Variants in STPG2 observed in about 807,000 individuals in gnomAD.
STPG2 encodes the protein sperm-tail PG-rich repeat-containing protein 2.
In STPG2, 56 loss-of-function variants were observed where a neutral mutation model predicts 54.2. The observed-to-expected ratio is 1.03, with a 90% CI of 0.83 to 1.29. The LOEUF (loss-of-function observed/expected upper bound fraction) is 1.29. Ranked by LOEUF, STPG2 falls within the 50% of genes most tolerant of loss-of-function variation. The pLI is 0.00. For synonymous variants in STPG2, 200 were observed against 181.8 expected (o/e 1.10, Z -0.81); for missense variants, 596 against 544.9 (o/e 1.09, Z -0.93).
chr4:98,103,784 A>C (rs1346953291), intron 5 of STPG2, among the ~76,000 whole-genome samples: 1 of 152,018 alleles, frequency 6.6e-6, no homozygotes, highest in Non-Finnish European at 1.5e-5. Context: ...CTCTTCTATC[A>C]TGCCTCACTC....
chr4:97,737,073 C>G (rs1725028426), intron 9 of STPG2, among the ~76,000 whole-genome samples: 1 of 152,192 alleles, frequency 6.6e-6, no homozygotes, highest in East Asian at 1.9e-4. Flanking sequence ...TGTTCTGCAG[C>G]CACCGCTGCT....
chr4:98,115,044 T>C (rs913162376), intron 3 of STPG2, among the ~76,000 whole-genome samples: 5 of 151,964 alleles, frequency 3.3e-5, no homozygotes, highest in Admixed American at 2.6e-4. Flanking sequence ...TATGACTTAA[T>C]TGAAGCAAAC....
chr4:97,538,530 T>C (rs1282184134), intron 4 of STPG2, among the ~76,000 whole-genome samples: 1 of 152,012 alleles, frequency 6.6e-6, no homozygotes, highest in Non-Finnish European at 1.5e-5. Context: ...CTCCAAGAAA[T>C]ATGGGACTAT....
intron 5 of STPG2, among the ~76,000 whole-genome samples, chr4:98,087,823 G>A (rs1411117327): frequency 3.3e-5 from 5 of 152,178 alleles, no homozygotes; most frequent in African/African-American, 1.2e-4. Context: ...GCCTCCCAAA[G>A]TGCTGGGATT....
At chr4:98,121,128 T>C (rs962895920) in intron 3 of STPG2, among the ~76,000 whole-genome samples, 2 of 152,248 alleles carry the variant, frequency 1.3e-5, no homozygotes, top group African/African-American at 2.4e-5. Flanking sequence ...AGCTAGCCAG[T>C]TCTCCCAGCA....
At chr4:97,737,495 C>A (rs932881140) in intron 9 of STPG2, among the ~76,000 whole-genome samples, 1 of 152,180 alleles carries the variant, frequency 6.6e-6, no homozygotes, top group Non-Finnish European at 1.5e-5. Flanking sequence ...ACTAGAATAA[C>A]CAATACAGAG....
At chr4:98,130,713 G>A (rs914692332) in intron 2 of STPG2, among the ~76,000 whole-genome samples, 2 of 151,778 alleles carry the variant, frequency 1.3e-5, no homozygotes, top group African/African-American at 4.8e-5. Flanking sequence ...ACAAGGTCAG[G>A]AGATCGAGAC....
intron 10 of STPG2, among the ~76,000 whole-genome samples, chr4:97,602,419 C>T (rs1033324622): frequency 3.3e-5 from 5 of 151,852 alleles, no homozygotes; most frequent in African/African-American, 4.8e-5. Context: ...CTTATTTTCC[C>T]TTTTTCTTAC....
rs1001785769 is a variant in STPG2, at chr4:97,981,411, T to G, written c.613-93A>C. 2.5e-5 allele frequency: 32 copies of G among 1,256,060 alleles called. No homozygotes were observed. The South Asian group carries it at 4.6e-4, about 18-fold the overall frequency. The allele number at this position is 1,256,060 out of a possible 1,614,324, so 77.8% of individuals were successfully genotyped here. On this transcript the variant is annotated intron_variant, in intron 5 of 10. Transcript: ENST00000295268. ...CCTGCCTTTTGAGTAATATAACATCTGGAGTTAATTTATTTCTTAATGGAG... is the reference window on the plus strand; with the variant it reads ...CCTGCCTTTTGAGTAATATAACATCGGGAGTTAATTTATTTCTTAATGGAG...
chr4:97,556,074 G>T (rs1389417225), downstream of STPG2, among the ~76,000 whole-genome samples: 1 of 152,034 alleles, frequency 6.6e-6, no homozygotes, highest in Non-Finnish European at 1.5e-5. Flanking sequence ...TGAAATGAAT[G>T]GAGTCATTAT....
At chr4:98,128,640 G>A (rs150252353) in intron 2 of STPG2, 48 bp from the exon 3 acceptor site, 2 of 1,408,728 alleles carry the variant, frequency 1.4e-6, no homozygotes, top group South Asian at 1.6e-5. Context: ...AAGAGGAAGG[G>A]GAATGAAGAA....
chr4:98,122,717 C>T (rs1408216958), intron 3 of STPG2, among the ~76,000 whole-genome samples: 1 of 129,230 alleles, frequency 7.7e-6, no homozygotes, highest in African/African-American at 3.0e-5. Context: ...GGAGGAGTCC[C>T]TCCTTTTCAT....
intron 4 of STPG2, among the ~76,000 whole-genome samples, chr4:97,527,696 T>A (rs1053295414): frequency 3.9e-5 from 6 of 152,202 alleles, no homozygotes; most frequent in African/African-American, 1.4e-4. Flanking sequence ...CCATTCTGAC[T>A]GGTATGAGAT....
At chr4:97,512,373 G>A (rs1456271566) in intron 4 of STPG2, among the ~76,000 whole-genome samples, 3 of 152,120 alleles carry the variant, frequency 2.0e-5, no homozygotes, top group Non-Finnish European at 2.9e-5. Context: ...GTTCACTTCA[G>A]TTTGGAGCAT....
chr4:97,909,617 A>G (rs6813619), intron 8 of STPG2, among the ~76,000 whole-genome samples: 88,499 of 151,986 alleles, frequency 0.58, 26,335 homozygotes, highest in East Asian at 0.74. Context: ...AAACACCTAC[A>G]TTTTATTCAA....
intron 6 of STPG2, among the ~76,000 whole-genome samples, 177 bp downstream of exon 6, chr4:97,980,982 T>C (rs1223625080): frequency 6.6e-6 from 1 of 152,328 alleles, no homozygotes; most frequent in Middle Eastern, 3.4e-3. Flanking sequence ...TAAAACTGTA[T>C]ATTATTTTGA....
At chr4:97,777,756 T>A (rs1053295380) in intron 9 of STPG2, among the ~76,000 whole-genome samples, 2 of 152,254 alleles carry the variant, frequency 1.3e-5, no homozygotes, top group African/African-American at 4.8e-5. Context: ...TTAGATACTT[T>A]GAGCCCTAAT....
chr4:97,489,150 A>T (rs1001523787), intron 4 of STPG2, among the ~76,000 whole-genome samples: 2 of 151,674 alleles, frequency 1.3e-5, no homozygotes, highest in Admixed American at 1.3e-4. Context: ...GGGGTCATCC[A>T]TGTAAAACGT....
intron 10 of STPG2, among the ~76,000 whole-genome samples, chr4:97,698,743 G>A (rs1422580976): frequency 6.6e-6 from 1 of 152,094 alleles, no homozygotes; most frequent in African/African-American, 2.4e-5. Flanking sequence ...CCAGAGCCCG[G>A]CAAAGTATTG....
Sources: gnomAD v4.1 joint callset for allele counts (sites outside exome capture counted in the v4.1 genomes callset) on GRCh38, gnomAD v4.1.1 for gene constraint, MANE v1.5 for transcripts, NCBI Gene and HGNC (gene_info 2026-07-23, HGNC 2026-07-21) for gene names.